The following SENP7 variants were observed in gnomAD, a reference collection of about 807,000 sequenced individuals.
The protein encoded by SENP7 is sentrin-specific protease 7.
SENP7 carries 64 observed loss-of-function variants against 141.2 expected under a neutral mutation model. The ratio of observed to expected loss-of-function variants is 0.45; its 90% CI spans 0.37 to 0.56. SENP7 has a LOEUF of 0.56. Among genes scored for constraint, SENP7 ranks in the 20% least tolerant of loss-of-function variants. The pLI is 0.00. For synonymous variants in SENP7, 382 were observed against 426.4 expected (o/e 0.90, Z 1.28); for missense variants, 1,025 against 1,212.2 (o/e 0.85, Z 2.29).
Position 101,329,199 on chromosome 3 carries a change from C to T in SENP7, c.2752-510G>A, listed in dbSNP as rs547501641. Among the ~76,000 whole-genome samples the T allele has an allele frequency of 2.6e-5, 4 of 152,254 alleles. No homozygotes were observed. The South Asian group carries it at 8.3e-4, about 32-fold the overall frequency. On this transcript the variant is annotated intron_variant, in intron 20 of 23. Transcript: ENST00000394095. ...TTATTTAATGCAGACCTTCTCAGTG[C>T]CTTTATTATTCTAACATAAACACTG...
chr3:101,413,435 T>C (rs1300626560), intron 5 of SENP7, among the ~76,000 whole-genome samples: 1 of 152,184 alleles, frequency 6.6e-6, no homozygotes, highest in African/African-American at 2.4e-5. Flanking sequence ...AAAATATATG[T>C]TAGACAAAGA....
chr3:101,460,521 T>G (rs2063511718), intron 3 of SENP7, among the ~76,000 whole-genome samples: 1 of 152,114 alleles, frequency 6.6e-6, no homozygotes, highest in African/African-American at 2.4e-5. Flanking sequence ...CACACTTGCT[T>G]CACATCATAT....
At chr3:101,363,633 C>A (rs1298691404) in intron 10 of SENP7, among the ~76,000 whole-genome samples, 2 of 152,066 alleles carry the variant, frequency 1.3e-5, no homozygotes, top group Non-Finnish European at 2.9e-5. Context: ...TACAACTAAA[C>A]CATCAAGTAG....
chr3:101,494,762 AC>A (rs1201236832), intron 2 of SENP7, among the ~76,000 whole-genome samples: 1 of 152,128 alleles, frequency 6.6e-6, no homozygotes, highest in African/African-American at 2.4e-5. Context: ...TTGAAACTGT[AC>A]CCCTTCCTTA....
chr3:101,499,419 A>C (rs1401088749), intron 2 of SENP7, among the ~76,000 whole-genome samples: 1 of 152,122 alleles, frequency 6.6e-6, no homozygotes, highest in African/African-American at 2.4e-5. Flanking sequence ...CCCAGACTGG[A>C]GTGCAATGGC....
chr3:101,459,130 G>A, intron 3 of SENP7, 78 bp from the exon 4 acceptor site: 1 of 764,474 alleles, frequency 1.3e-6, no homozygotes, highest in East Asian at 2.7e-5. Flanking sequence ...TTTTTTATTT[G>A]GAAATTTGTT....
chr3:101,449,537 A>T (rs1184579584), intron 4 of SENP7, among the ~76,000 whole-genome samples: 1 of 152,258 alleles, frequency 6.6e-6, no homozygotes, highest in Non-Finnish European at 1.5e-5. Flanking sequence ...GAAACTCTAC[A>T]GGCCAGAAGA....
intron 3 of SENP7, among the ~76,000 whole-genome samples, chr3:101,460,115 G>A (rs1034515770): frequency 6.6e-6 from 1 of 152,116 alleles, no homozygotes; most frequent in African/African-American, 2.4e-5. Context: ...ATTTTGGTTA[G>A]CAGTTGGGCA....
At position 101,493,864 on chromosome 3, in the gene SENP7, AT is replaced by A; in HGVS notation, c.186+8del. The A allele has an allele frequency of 6.6e-7, 1 of 1,505,068 alleles. No homozygotes were observed. The highest frequency in any genetic ancestry group is 1.7e-5 in the Admixed American group (1 of 58,442). 93.2% of individuals were successfully genotyped at this position (1,505,068 alleles called of 1,614,324 possible). The stretch of plus-strand genomic sequence containing the variant: ...TGTATACTTAAAATAAATTAATTTT[AT>A]TTACCACCTGCAAAGGGAGAGTCCA... On this transcript the variant is annotated splice_region_variant and intron_variant, in intron 3 of 23. Transcript: ENST00000394095.
chr3:101,363,964 T>A (rs1266959666), intron 10 of SENP7, among the ~76,000 whole-genome samples: 1 of 152,216 alleles, frequency 6.6e-6, no homozygotes, highest in African/African-American at 2.4e-5. Flanking sequence ...ATGCATGTGA[T>A]CCTAGCACTT....
intron 6 of SENP7, among the ~76,000 whole-genome samples, chr3:101,380,347 G>A (rs2049107): frequency 0.4 from 60,137 of 151,316 alleles, 12,465 homozygotes; most frequent in Admixed American, 0.54. Flanking sequence ...TTTGGACTTT[G>A]ATAGGTCTAT....
chr3:101,494,282 G>A (rs1383025052), intron 2 of SENP7, among the ~76,000 whole-genome samples: 2 of 152,008 alleles, frequency 1.3e-5, no homozygotes, highest in Non-Finnish European at 2.9e-5. Flanking sequence ...ACCTAATTAT[G>A]GCTGCAATAC....
At chr3:101,340,036 A>T (rs2059290254) in intron 16 of SENP7, 59 bp downstream of exon 16, 2 of 1,474,762 alleles carry the variant, frequency 1.4e-6, no homozygotes, top group African/African-American at 2.9e-5. Flanking sequence ...AAAGACATTT[A>T]TTTTAAGTTT....
chr3:101,451,094 G>A (rs1301091064), intron 4 of SENP7, among the ~76,000 whole-genome samples: 7 of 152,254 alleles, frequency 4.6e-5, no homozygotes, highest in South Asian at 4.1e-4. Context: ...ACACCTCTAC[G>A]CGAATAAACT....
chr3:101,442,438 C>A (rs562809403), intron 4 of SENP7, among the ~76,000 whole-genome samples: 1 of 152,228 alleles, frequency 6.6e-6, no homozygotes, highest in African/African-American at 2.4e-5. Flanking sequence ...AGGGTTCATG[C>A]TCCTGTGAGA....
intron 8 of SENP7, 142 bp downstream of exon 8, chr3:101,367,688 T>G (rs2060074264): frequency 1.9e-6 from 1 of 530,812 alleles, no homozygotes; most frequent in Middle Eastern, 5.0e-4. Flanking sequence ...TGTTTTTTAA[T>G]AATAAAGCTA....
intron 3 of SENP7, among the ~76,000 whole-genome samples, chr3:101,479,948 A>G (rs927998880): frequency 3.3e-5 from 5 of 150,682 alleles, no homozygotes; most frequent in Non-Finnish European, 5.9e-5. Flanking sequence ...ACAAACAAAA[A>G]AAACTAGGAA....
At chr3:101,348,108 T>A in intron 12 of SENP7, 57 bp from the exon 13 acceptor site, 1 of 1,177,182 alleles carries the variant, frequency 8.5e-7, no homozygotes, top group Non-Finnish European at 1.2e-6. Context: ...AATACACCAC[T>A]TAAACATTAT....
intron 4 of SENP7, among the ~76,000 whole-genome samples, chr3:101,444,762 A>G (rs1310200798): frequency 6.7e-6 from 1 of 150,272 alleles, no homozygotes; most frequent in Non-Finnish European, 1.5e-5. Context: ...GGAGGGGGGA[A>G]AGATAGCATT....
Sources: allele counts gnomAD v4.1 joint callset (sites outside exome capture counted in the v4.1 genomes callset), GRCh38; gene constraint gnomAD v4.1.1; transcripts MANE v1.5; gene names NCBI Gene and HGNC (gene_info 2026-07-23, HGNC 2026-07-21).